ELF2: variants seen among roughly 807,000 people sequenced by gnomAD.
ELF2 encodes the protein ETS-related transcription factor Elf-2.
Under a neutral mutation model 54.8 loss-of-function variants are expected in ELF2, and 11 were observed. The observed-to-expected ratio is 0.20, with a 90% CI of 0.13 to 0.33. The LOEUF (loss-of-function observed/expected upper bound fraction) is 0.33, where lower values mean the gene tolerates loss of function less well. ELF2 is among the 10% of genes least tolerant of loss of function. The pLI is 1.00. For synonymous variants in ELF2, 203 were observed against 245.1 expected (o/e 0.83, Z 1.61); for missense variants, 513 against 703.0 (o/e 0.73, Z 3.06).
rs531811735 is a variant in ELF2 at position 139,174,067 on chromosome 4, C to CAAAAA, written c.-252+2895_-252+2899dup. Among the ~76,000 whole-genome samples, 12 of 119,082 alleles carry CAAAAA rather than the reference C, an allele frequency of 1.0e-4. No individual in the cohort carries two copies. The South Asian group carries it at 3.0e-3, about 29-fold the overall frequency. 78.1% of individuals were successfully genotyped at this position (119,082 alleles called of 152,430 possible). A position where few individuals can be genotyped will look rare whatever the true frequency, so the allele number is the denominator to read the frequency against. On this transcript the variant is annotated intron_variant, in intron 1 of 9. Transcript: ENST00000686138. ...TGAAACCCCATCTCTACTAAAAATA[C>CAAAAA]AAAAAAAAAAAAAAAATTAGCCAGG...
intron 4 of ELF2, among the ~76,000 whole-genome samples, chr4:139,081,351 A>G (rs575691412): frequency 9.2e-5 from 14 of 152,180 alleles, no homozygotes; most frequent in Non-Finnish European, 2.1e-4. Flanking sequence ...GCAAAAGTAT[A>G]TTCGAGCTTA....
intron 1 of ELF2, among the ~76,000 whole-genome samples, chr4:139,151,047 A>AAGAAAGGAAAGAAAG (rs1739885396): frequency 1.1e-5 from 1 of 88,376 alleles, no homozygotes; most frequent in Non-Finnish European, 2.6e-5. Context: ...AAAGAAAGAA[A>AAGAAAGGAAAGAAAG]GAAAGAAAGA....
At chr4:139,154,761 T>G (rs1194351721) in intron 1 of ELF2, among the ~76,000 whole-genome samples, 1 of 152,184 alleles carries the variant, frequency 6.6e-6, no homozygotes, top group African/African-American at 2.4e-5. Context: ...CTGACACCAA[T>G]GCACATGTGA....
chr4:139,123,301 GT>G (rs1736586758), intron 4 of ELF2, among the ~76,000 whole-genome samples: 1 of 151,530 alleles, frequency 6.6e-6, no homozygotes, highest in African/African-American at 2.4e-5. Flanking sequence ...TTGTGTTGAA[GT>G]AAATTTTAAA....
At chr4:139,150,562 A>G (rs1207184669) in intron 1 of ELF2, among the ~76,000 whole-genome samples, 1 of 151,970 alleles carries the variant, frequency 6.6e-6, no homozygotes, top group African/African-American at 2.4e-5. Flanking sequence ...AAAGGGCAAA[A>G]GTCAGCCAAG....
chr4:139,103,908 A>C (rs1006857524), intron 4 of ELF2, among the ~76,000 whole-genome samples: 1 of 152,372 alleles, frequency 6.6e-6, no homozygotes, highest in Middle Eastern at 3.4e-3. Flanking sequence ...GATATTCTTA[A>C]GTCCTGAAAA....
At chr4:139,125,589 T>G (rs919605540) in intron 3 of ELF2, among the ~76,000 whole-genome samples, 1 of 152,104 alleles carries the variant, frequency 6.6e-6, no homozygotes, top group African/African-American at 2.4e-5. Context: ...AACATGCATA[T>G]AATTTCACTT....
intron 1 of ELF2, among the ~76,000 whole-genome samples, chr4:139,151,032 A>AAAAAAAAGAAAGGAAAGAAAG (rs1301387000): frequency 2.9e-5 from 3 of 102,508 alleles, no homozygotes; most frequent in African/African-American, 1.5e-4. Context: ...TCAAAAAAAA[A>AAAAAAAAGAAAGGAAAGAAAG]AAAGAAAGAA....
At chr4:139,084,438 G>GAGC (rs1731703281) in intron 4 of ELF2, 7 of 1,118,126 alleles carry the variant, frequency 6.3e-6, no homozygotes, top group Non-Finnish European at 7.7e-6. Context: ...GCAGGGGCAG[G>GAGC]GGCGGCGGCG....
chr4:139,102,427 C>A (rs1425621131), intron 4 of ELF2: 1 of 151,174 alleles, frequency 6.6e-6, no homozygotes, highest in Non-Finnish European at 1.5e-5. Context: ...GTAGTCCCAG[C>A]TACTCGGGAG....
At chr4:139,151,936 G>T (rs1198124500) in intron 1 of ELF2, among the ~76,000 whole-genome samples, 1 of 152,026 alleles carries the variant, frequency 6.6e-6, no homozygotes, top group Non-Finnish European at 1.5e-5. Context: ...TCAGCATGAG[G>T]GTCAATTATC....
intron 1 of ELF2, among the ~76,000 whole-genome samples, chr4:139,171,305 G>A (rs994401653): frequency 5.3e-5 from 8 of 152,132 alleles, no homozygotes; most frequent in African/African-American, 1.7e-4. Flanking sequence ...GGAGGCTGAG[G>A]TAGGGGGACT....
At chr4:139,067,028 C>T (rs947837748) in intron 7 of ELF2, 1 of 151,898 alleles carries the variant, frequency 6.6e-6, no homozygotes, top group Non-Finnish European at 1.5e-5. Context: ...AGTCCCAGCA[C>T]TTTCAGAGGC....
intron 1 of ELF2, among the ~76,000 whole-genome samples, chr4:139,172,080 A>G (rs1476141375): frequency 4.6e-5 from 7 of 152,244 alleles, no homozygotes; most frequent in African/African-American, 1.7e-4. Flanking sequence ...TGTCCTAAAA[A>G]GCTAAACGTA....
chr4:139,076,828 T>C (rs1393474413), intron 4 of ELF2, among the ~76,000 whole-genome samples: 1 of 152,174 alleles, frequency 6.6e-6, no homozygotes, highest in African/African-American at 2.4e-5. Flanking sequence ...AAGGTGTAAT[T>C]CTTGCACATA....
At position 139,167,757 on chromosome 4, in the gene ELF2, C is replaced by T. The variant is rs140540659; in HGVS notation, c.-252+9210G>A. On this transcript the variant is annotated intron_variant, in intron 1 of 9. Transcript: ENST00000686138. ...AATTTTAAGGGACAAGTCTGGTACT[C>T]GAAGTCTGAGCCACACAGAAAAGTT... 1.7e-4 allele frequency among the ~76,000 whole-genome samples: 26 copies of T among 152,246 alleles called. No homozygotes were observed. The East Asian group carries it at 5.0e-3, about 29-fold the overall frequency.
chr4:139,123,132 C>T (rs1736560364), intron 4 of ELF2, among the ~76,000 whole-genome samples: 1 of 148,958 alleles, frequency 6.7e-6, no homozygotes, highest in Non-Finnish European at 1.5e-5. Context: ...TACAGTGAGC[C>T]GAGATTGCAC....
At chr4:139,125,632 G>C (rs55772267) in intron 3 of ELF2, among the ~76,000 whole-genome samples, 5 of 151,908 alleles carry the variant, frequency 3.3e-5, no homozygotes, top group Non-Finnish European at 7.4e-5. Flanking sequence ...AACAGTAAAA[G>C]ACTCTTTTAT....
Position 139,103,979 on chromosome 4 carries a change from A to T in ELF2, c.238+21185T>A, listed in dbSNP as rs138969597. Among the ~76,000 whole-genome samples the T allele has an allele frequency of 6.3e-3, 965 of 152,372 alleles. 12 individuals are homozygous for T. Among genetic ancestry groups the T allele is most frequent in the African/African-American group, 0.022 (929 of 41,586 alleles). On this transcript the variant is annotated intron_variant, in intron 4 of 9. Transcript: ENST00000686138. ...AACATATGAAAAGTATTTTAGTTAA[A>T]TAAAAAAAGTAATTGCTCATTCCCT...
Sources: allele counts gnomAD v4.1 joint callset (sites outside exome capture counted in the v4.1 genomes callset), GRCh38; gene constraint gnomAD v4.1.1; transcripts MANE v1.5; gene names NCBI Gene and HGNC (gene_info 2026-07-23, HGNC 2026-07-21).